The following ZSCAN25 variants were observed in gnomAD, a reference collection of about 807,000 sequenced individuals.
ZSCAN25 encodes zinc finger and SCAN domain-containing protein 25.
Under a neutral mutation model 38.7 loss-of-function variants are expected in ZSCAN25, and 27 were observed. The observed-to-expected ratio is 0.70, with a 90% confidence interval of 0.51 to 0.96. ZSCAN25 has a LOEUF of 0.96. ZSCAN25 is among the 40% of genes least tolerant of loss of function. ZSCAN25 has a pLI of 0.00. For missense variants in ZSCAN25, 637 were observed against 705.9 expected (o/e 0.90, Z 1.11); for synonymous variants, 273 against 277.7 (o/e 0.98, Z 0.17).
At chr7:99,685,085 TG>T in the ZSCAN25 span, 1 of 1,277,660 alleles carries the variant, frequency 7.8e-7, no homozygotes, top group Non-Finnish European at 1.1e-6. Context: ...TTGAGGTCTC[TG>T]GTGTTCTAGG....
chr7:99,619,539 A>C, intron 3 of ZSCAN25, 22 bp from the exon 4 acceptor site: 1 of 1,514,148 alleles, frequency 6.6e-7, no homozygotes, highest in Non-Finnish European at 8.9e-7. Flanking sequence ...CTGACCTTTC[A>C]TGTGTCTCTT....
At chr7:99,639,162 G>A in the ZSCAN25 span, among the ~76,000 whole-genome samples, 1 of 152,224 alleles carries the variant, frequency 6.6e-6, no homozygotes, top group African/African-American at 2.4e-5. Flanking sequence ...AGAGCAAATA[G>A]TTGGACGTCC....
At chr7:99,680,144 G>A in the ZSCAN25 span, 5 of 479,598 alleles carry the variant, frequency 1.0e-5, no homozygotes, top group Admixed American at 1.3e-4. Context: ...CTTAATCAGT[G>A]TTATCGGGGA....
intron 3 of ZSCAN25, 85 bp from the exon 4 acceptor site, chr7:99,619,476 T>G: frequency 9.0e-7 from 1 of 1,115,278 alleles, no homozygotes; most frequent in Non-Finnish European, 1.3e-6. Flanking sequence ...AAAAGGTAAT[T>G]ACTGTGTTCT....
the ZSCAN25 span, chr7:99,672,879 T>C: frequency 6.4e-5 from 89 of 1,392,822 alleles, no homozygotes; most frequent in Non-Finnish European, 8.2e-5. Context: ...AGGCTTCATA[T>C]GATGAAGGGT....
the ZSCAN25 span, chr7:99,709,183 C>T: frequency 1.9e-6 from 3 of 1,613,876 alleles, no homozygotes; most frequent in Admixed American, 3.3e-5. Flanking sequence ...CTCATAGCAA[C>T]TGGGAATAAT....
At chr7:99,722,497 A>G in the ZSCAN25 span, 2 of 961,516 alleles carry the variant, frequency 2.1e-6, no homozygotes, top group Non-Finnish European at 3.1e-6. Flanking sequence ...AGAGAAAGGA[A>G]ACAAAATAGA....
the ZSCAN25 span, among the ~76,000 whole-genome samples, chr7:99,725,036 C>T: frequency 4.6e-5 from 7 of 152,082 alleles, no homozygotes; most frequent in Non-Finnish European, 7.4e-5. Flanking sequence ...TCCCCATTGG[C>T]AGTACAAGAT....
the ZSCAN25 span, among the ~76,000 whole-genome samples, chr7:99,646,914 T>G: frequency 6.9e-6 from 1 of 144,410 alleles, no homozygotes; most frequent in Non-Finnish European, 1.5e-5. Context: ...CTATCATCTG[T>G]CTATCTATCC....
At chr7:99,649,129 T>C in the ZSCAN25 span, among the ~76,000 whole-genome samples, 1 of 152,122 alleles carries the variant, frequency 6.6e-6, no homozygotes, top group African/African-American at 2.4e-5. Context: ...AGTGCCAGCC[T>C]GAGATGCCTG....
At chr7:99,706,687 C>A in the ZSCAN25 span, among the ~76,000 whole-genome samples, 1 of 152,210 alleles carries the variant, frequency 6.6e-6, no homozygotes, top group Non-Finnish European at 1.5e-5. Flanking sequence ...ATTTTCCCTG[C>A]AGACAGACAT....
chr7:99,704,712 C>T, the ZSCAN25 span, among the ~76,000 whole-genome samples: 1 of 151,932 alleles, frequency 6.6e-6, no homozygotes, highest in Non-Finnish European at 1.5e-5. Flanking sequence ...GCCTGTAATC[C>T]CAGCACTTTG....
chr7:99,630,503 A>T lies in ZSCAN25; in HGVS notation c.*483A>T. Reference sequence around the variant, plus strand: ...GTGGGAATGCCGTGGTGAATGAGAGACTAGACGTGATGCCTCTGGGGGTTG... The same window carrying T: ...GTGGGAATGCCGTGGTGAATGAGAGTCTAGACGTGATGCCTCTGGGGGTTG... On this transcript the variant is annotated 3_prime_UTR_variant, in exon 8 of 8. Coordinates refer to ENST00000394152, the MANE Select transcript of ZSCAN25 (RefSeq NM_145115.3). The T allele has an allele frequency of 3.0e-6, 3 of 995,942 alleles. No homozygotes were observed. Among genetic ancestry groups the T allele is most frequent in the Non-Finnish European group, 3.6e-6 (3 of 836,408 alleles). The allele number at this position is 995,942 out of a possible 1,614,324, so 61.7% of individuals were successfully genotyped here.
the ZSCAN25 span, chr7:99,722,200 A>C: frequency 2.0e-6 from 3 of 1,501,182 alleles, no homozygotes; most frequent in Non-Finnish European, 2.8e-6. Flanking sequence ...CAAGAGCTTC[A>C]TCGCAAGAGG....
chr7:99,673,271 A>G, the ZSCAN25 span, among the ~76,000 whole-genome samples: 3 of 152,306 alleles, frequency 2.0e-5, no homozygotes, highest in South Asian at 6.2e-4. Flanking sequence ...AAGATGAAGA[A>G]GTACAAAGAG....
chr7:99,627,269 C>T (rs796632996), intron 7 of ZSCAN25, among the ~76,000 whole-genome samples: 11 of 152,174 alleles, frequency 7.2e-5, no homozygotes, highest in South Asian at 2.1e-4. Context: ...AACATAAATT[C>T]GATATATGTA....
At chr7:99,714,476 G>A in the ZSCAN25 span, 4 of 1,578,506 alleles carry the variant, frequency 2.5e-6, no homozygotes, top group South Asian at 3.5e-5. Flanking sequence ...AAACATACAG[G>A]GAAGTGCACC....
At chr7:99,681,703 T>A in the ZSCAN25 span, among the ~76,000 whole-genome samples, 3 of 152,266 alleles carry the variant, frequency 2.0e-5, no homozygotes, top group African/African-American at 7.2e-5. Flanking sequence ...GTATTCTGGC[T>A]ATTAATCTGT....
chr7:99,679,064 G>A, the ZSCAN25 span, among the ~76,000 whole-genome samples: 2 of 152,176 alleles, frequency 1.3e-5, no homozygotes, highest in African/African-American at 4.8e-5. Context: ...GAGAAACAAA[G>A]CTCTATATTA....
Sources: allele counts gnomAD v4.1 joint callset (sites outside exome capture counted in the v4.1 genomes callset), GRCh38; gene constraint gnomAD v4.1.1; transcripts MANE v1.5; gene names NCBI Gene and HGNC (gene_info 2026-07-23, HGNC 2026-07-21).